TBX20: variants seen among roughly 807,000 people sequenced by gnomAD.
The protein encoded by TBX20 is T-box transcription factor 20, also known as T-box transcription factor TBX20.
TBX20 carries 8 observed loss-of-function variants against 42.9 expected under a neutral mutation model. That is an observed-to-expected ratio of 0.19 (90% CI 0.11 to 0.34). The LOEUF (loss-of-function observed/expected upper bound fraction) is 0.34, where lower values mean the gene tolerates loss of function less well. Among genes scored for constraint, TBX20 ranks in the 10% least tolerant of loss-of-function variants. The probability of loss-of-function intolerance (pLI) is 1.00; values close to 1 mark genes in which losing one functional copy is unlikely to be tolerated. For synonymous variants in TBX20, 198 were observed against 222.8 expected, an observed-to-expected ratio of 0.89 and a Z score of 0.99; for missense variants, 411 against 566.0, an observed-to-expected ratio of 0.73 and a Z score of 2.78.
intron 6 of TBX20, among the ~76,000 whole-genome samples, chr7:35,226,048 A>C (rs1435961062): frequency 3.9e-5 from 6 of 152,160 alleles, no homozygotes; most frequent in Non-Finnish European, 8.8e-5. Context: ...ATACATATTA[A>C]TAGTATTCAG....
intron 6 of TBX20, among the ~76,000 whole-genome samples, chr7:35,226,919 A>G (rs577137894): frequency 2.6e-5 from 4 of 152,252 alleles, no homozygotes; most frequent in Non-Finnish European, 4.4e-5. Context: ...CAGGTATTCC[A>G]GAAGAAGGCA....
chr7:35,236,568 T>C (rs539812972), intron 5 of TBX20, among the ~76,000 whole-genome samples: 47 of 152,294 alleles, frequency 3.1e-4, no homozygotes, highest in Middle Eastern at 3.4e-3. Context: ...AGTTCATTTA[T>C]TCACTGCACA....
chr7:35,233,773 C>T (rs959267570), intron 5 of TBX20, among the ~76,000 whole-genome samples: 3 of 152,180 alleles, frequency 2.0e-5, no homozygotes, highest in African/African-American at 4.8e-5. Flanking sequence ...ACTTAAAATG[C>T]GTTCTACTTC....
At chr7:35,240,813 A>G (rs1790061656) in intron 5 of TBX20, 66 bp downstream of exon 5, 4 of 1,467,844 alleles carry the variant, frequency 2.7e-6, no homozygotes, top group Non-Finnish European at 3.8e-6. Context: ...CTTCTCTCCA[A>G]GAAAATATAA....
At position 35,253,659 on chromosome 7, in the gene TBX20, C is replaced by T. The variant is rs1188424173; in HGVS notation, c.-39G>A. On this transcript the variant is annotated 5_prime_UTR_variant, in exon 1 of 8. Transcript: ENST00000408931. ...CGGTCCTGGCCAGGGACGGGGTCGT[C>T]CGAACTGCCGTCCAGATTCCCCAAG... 1 of 1,600,752 alleles carries T rather than the reference C, an allele frequency of 6.2e-7. No individual in the cohort carries two copies. Among genetic ancestry groups the T allele is most frequent in the Admixed American group, 1.7e-5 (1 of 59,014 alleles).
chr7:35,232,107 A>C (rs1332352968), intron 5 of TBX20, among the ~76,000 whole-genome samples: 1 of 152,216 alleles, frequency 6.6e-6, no homozygotes, highest in Non-Finnish European at 1.5e-5. Flanking sequence ...TACATGACAT[A>C]AATACATGAC....
intron 6 of TBX20, among the ~76,000 whole-genome samples, chr7:35,221,595 A>G (rs1789685289): frequency 6.6e-6 from 1 of 152,188 alleles, no homozygotes; most frequent in Non-Finnish European, 1.5e-5. Context: ...GGAAGGTTAA[A>G]AGAGTTCTAA....
chr7:35,208,586 T>G (rs1461950409), intron 6 of TBX20, among the ~76,000 whole-genome samples: 1 of 151,326 alleles, frequency 6.6e-6, no homozygotes, highest in Non-Finnish European at 1.5e-5. Context: ...CTACTAAAAA[T>G]ACAAAATCAG....
At chr7:35,228,598 C>T (rs1789816036) in intron 6 of TBX20, among the ~76,000 whole-genome samples, 1 of 151,984 alleles carries the variant, frequency 6.6e-6, no homozygotes, top group African/African-American at 2.4e-5. Flanking sequence ...TAACTCCTCC[C>T]AGTTATTTTT....
chr7:35,225,345 T>C (rs977008535), intron 6 of TBX20, among the ~76,000 whole-genome samples: 2 of 149,404 alleles, frequency 1.3e-5, no homozygotes, highest in African/African-American at 4.9e-5. Context: ...TTATGTAACA[T>C]AATAACCCAA....
intron 1 of TBX20, among the ~76,000 whole-genome samples, chr7:35,252,914 GT>G (rs1322647463): frequency 1.3e-5 from 2 of 152,192 alleles, no homozygotes; most frequent in Non-Finnish European, 2.9e-5. Context: ...ACTGGTTAGT[GT>G]TTTTGCCAAC....
At chr7:35,252,871 A>AT (rs1352006938) in intron 1 of TBX20, among the ~76,000 whole-genome samples, 1 of 152,266 alleles carries the variant, frequency 6.6e-6, no homozygotes, top group Non-Finnish European at 1.5e-5. Flanking sequence ...AACAAACAAC[A>AT]TAACTAAAAG....
chr7:35,248,440 T>C (rs1790235530), intron 3 of TBX20, among the ~76,000 whole-genome samples: 1 of 152,192 alleles, frequency 6.6e-6, no homozygotes, highest in South Asian at 2.1e-4. Context: ...AACTTTGAAA[T>C]GAATTACTGC....
At chr7:35,208,742 CAAAAAAAAAAAAAAAAAAAAAAAAA>C (rs766060288) in intron 6 of TBX20, among the ~76,000 whole-genome samples, 4 of 21,118 alleles carry the variant, frequency 1.9e-4, no homozygotes, top group Non-Finnish European at 2.2e-4. Flanking sequence ...AACTCCGTCT[CAAAAAAAAAAAAAAAAAAAAAAAAA>C]AAAAAAAAAA....
At chr7:35,226,880 C>T (rs540267984) in intron 6 of TBX20, among the ~76,000 whole-genome samples, 1 of 151,696 alleles carries the variant, frequency 6.6e-6, no homozygotes, top group East Asian at 1.9e-4. Flanking sequence ...AAAAGTTAAC[C>T]GTGAAACAGC....
At chr7:35,236,170 A>AAATGAGG (rs372269006) in intron 5 of TBX20, among the ~76,000 whole-genome samples, 2 of 152,284 alleles carry the variant, frequency 1.3e-5, no homozygotes, top group African/African-American at 4.8e-5. Flanking sequence ...AAGGCACAAT[A>AAATGAGG]AATGAGGAAT....
intron 3 of TBX20, among the ~76,000 whole-genome samples, chr7:35,247,775 A>C (rs186212021): frequency 6.6e-6 from 1 of 152,218 alleles, no homozygotes; most frequent in African/African-American, 2.4e-5. Context: ...TAAACAACAA[A>C]AATTAGTCAT....
At position 35,202,550 on chromosome 7, in the gene TBX20, C is replaced by A. The variant is rs755276171; in HGVS notation, c.1224G>T (p.Gly408=). 1 of 1,614,042 alleles carries A rather than the reference C, an allele frequency of 6.2e-7. No homozygotes were observed. The highest frequency in any genetic ancestry group is 2.2e-5 in the East Asian group (1 of 44,858). The change falls in exon 8 of 8, where the codon GGG becomes GGT. Residue 408 remains glycine (G), a synonymous_variant. Transcript: ENST00000408931. ...GGAATGAAGGGAATGTGGGGCCACT[C>A]CCTTGCATGGAGCTGGCAATGGCCG... ...TPSAIASSMQ[G]SGPTFPSFHM...
Position 35,219,242 on chromosome 7 carries a change from T to C in TBX20, c.890+12262A>G, listed in dbSNP as rs141809331. ...CAGTGGGAGCAGGGGGCAGAAAACT[T>C]TTTTCTGTAAAGGGCCATATAGTAA... is the stretch of plus-strand genomic sequence containing the variant. On this transcript the variant is annotated intron_variant, in intron 6 of 7. Coordinates refer to ENST00000408931, the MANE Select transcript of TBX20 (RefSeq NM_001077653.2). Among the ~76,000 whole-genome samples, 948 of 152,076 alleles carry C rather than the reference T, an allele frequency of 6.2e-3. 6 individuals carry two copies. Among genetic ancestry groups the C allele is most frequent in the African/African-American group, 0.022 (902 of 41,464 alleles).
Sources: gnomAD v4.1 joint callset for allele counts (sites outside exome capture counted in the v4.1 genomes callset) on GRCh38, gnomAD v4.1.1 for gene constraint, MANE v1.5 for transcripts, NCBI Gene and HGNC (gene_info 2026-07-23, HGNC 2026-07-21) for gene names.